Variants in MEI1 observed in about 807,000 individuals in gnomAD.
MEI1 encodes meiotic double-stranded break formation protein 1.
In MEI1, 103 loss-of-function variants were observed where a neutral mutation model predicts 146.2. That is an observed-to-expected ratio of 0.70 (90% CI 0.60 to 0.83). The LOEUF is 0.83. MEI1 is among the 40% of genes least tolerant of loss of function. The probability of loss-of-function intolerance (pLI) is 0.00; values close to 1 mark genes in which losing one functional copy is unlikely to be tolerated. For missense variants in MEI1, 1,529 were observed against 1,533.0 expected, an observed-to-expected ratio of 1.00 and a Z score of 0.04; for synonymous variants, 652 against 628.2, an observed-to-expected ratio of 1.04 and a Z score of -0.57.
In MEI1 at chr22:41,777,323, T is replaced by A. The variant is rs548090102; in HGVS notation, c.2710+1056T>A. On this transcript the variant is annotated intron_variant, in intron 21 of 30. Coordinates refer to ENST00000401548, the MANE Select transcript of MEI1 (RefSeq NM_152513.4). ...GGCATGCGCCACTGCACCTGGCTAA[T>A]TTTTTGTATTTTTATTAGAGGTGGG... 2.6e-5 allele frequency among the ~76,000 whole-genome samples: 4 copies of A among 151,682 alleles called. No homozygotes were observed. The South Asian group carries it at 8.3e-4, about 32-fold the overall frequency.
At chr22:41,766,382 G>A (rs1284305647) in intron 19 of MEI1, among the ~76,000 whole-genome samples, 2 of 148,802 alleles carry the variant, frequency 1.3e-5, no homozygotes. Context: ...ATGTTGGCCA[G>A]GCTGGTCTCG....
chr22:41,784,887 T>G (rs1602146881), intron 26 of MEI1, 104 bp downstream of exon 26: 2 of 631,626 alleles, frequency 3.2e-6, no homozygotes, highest in Admixed American at 4.4e-5. Flanking sequence ...GGAGGGTGGA[T>G]TAAGACTTTT....
At chr22:41,780,824 A>G (rs567180337) in intron 22 of MEI1, among the ~76,000 whole-genome samples, 83 of 152,000 alleles carry the variant, frequency 5.5e-4, no homozygotes, top group African/African-American at 1.8e-3. Context: ...GGCTCAAGCA[A>G]TCTGCCTGCC....
chr22:41,735,675 G>A (rs2072300716), intron 11 of MEI1, among the ~76,000 whole-genome samples: 1 of 152,114 alleles, frequency 6.6e-6, no homozygotes, highest in Non-Finnish European at 1.5e-5. Context: ...TTTCTCTGTT[G>A]TTTTGAATTT....
At chr22:41,786,052 A>T (rs898985160) in intron 26 of MEI1, among the ~76,000 whole-genome samples, 2 of 147,646 alleles carry the variant, frequency 1.4e-5, no homozygotes, top group African/African-American at 5.0e-5. Flanking sequence ...CTGGGACTAC[A>T]GGCGCCCGCT....
chr22:41,705,691 T>G lies in MEI1; in HGVS notation c.349+137T>G, dbSNP rs958337656. The G allele has an allele frequency of 4.4e-6, 3 of 680,104 alleles. No homozygotes were observed. In the African/African-American group the frequency reaches 5.5e-5, roughly 13 times the overall value. The allele number at this position is 680,104 out of a possible 1,614,324, so 42.1% of individuals were successfully genotyped here. A position where few individuals can be genotyped will look rare whatever the true frequency, so the allele number is the denominator to read the frequency against. ...ACCCCATTAGTTTTCAATCACTAAT[T>G]CAACATTTGTTTTTTACTTTTTTTT... On this transcript the variant is annotated intron_variant, in intron 3 of 30. Transcript: ENST00000401548.
chr22:41,791,349 G>T (rs957008686), intron 26 of MEI1, among the ~76,000 whole-genome samples: 1 of 152,156 alleles, frequency 6.6e-6, no homozygotes, highest in Non-Finnish European at 1.5e-5. Flanking sequence ...TTAGCTGGAC[G>T]TGGTGGCACA....
At chr22:41,793,962 C>G (rs769050466) in intron 27 of MEI1, 52 bp downstream of exon 27, 1 of 1,485,812 alleles carries the variant, frequency 6.7e-7, no homozygotes, top group Non-Finnish European at 9.3e-7. Flanking sequence ...TTAGAGGGAG[C>G]AACACCCTTC....
chr22:41,785,615 G>A (rs2075940715), intron 26 of MEI1, among the ~76,000 whole-genome samples: 1 of 151,206 alleles, frequency 6.6e-6, no homozygotes, highest in Non-Finnish European at 1.5e-5. Context: ...CCAGGCTGGA[G>A]TGCAATGGTG....
chr22:41,781,511 G>A, intron 23 of MEI1, 117 bp downstream of exon 23: 2 of 1,138,528 alleles, frequency 1.8e-6, no homozygotes, highest in Non-Finnish European at 2.5e-6. Context: ...GTGGTCATAA[G>A]GTCCTTTCTG....
intron 11 of MEI1, among the ~76,000 whole-genome samples, chr22:41,737,361 T>A (rs530900880): frequency 6.6e-6 from 1 of 151,342 alleles, no homozygotes; most frequent in Non-Finnish European, 1.5e-5. Context: ...CTCAGTCTCC[T>A]GAGTAGCTGG....
At chr22:41,758,194 A>C (rs1202385692) in intron 17 of MEI1, among the ~76,000 whole-genome samples, 171 bp from the exon 18 acceptor site, 1 of 152,132 alleles carries the variant, frequency 6.6e-6, no homozygotes, top group Non-Finnish European at 1.5e-5. Context: ...CTTTCCCGGT[A>C]GGTTGAACCT....
At chr22:41,784,889 A>G (rs2075899636) in intron 26 of MEI1, 106 bp downstream of exon 26, 131 of 547,116 alleles carry the variant, frequency 2.4e-4, no homozygotes, top group Middle Eastern at 5.7e-4. Context: ...AGGGTGGATT[A>G]AGACTTTTTT....
chr22:41,746,081 A>G lies in MEI1; in HGVS notation c.1680+55A>G, dbSNP rs768479491. Reference sequence around the variant, plus strand: ...AAGCTTGGGGAAGAGAAGAATGTGCAGGCGAGCCAGGCTCAGAGGCATAAG... The same window carrying G: ...AAGCTTGGGGAAGAGAAGAATGTGCGGGCGAGCCAGGCTCAGAGGCATAAG... On this transcript the variant is annotated intron_variant, in intron 14 of 30. Transcript: ENST00000401548. The G allele has an allele frequency of 2.0e-6, 3 of 1,494,434 alleles. No homozygotes were observed. The Admixed American group carries it at 6.2e-5, about 31-fold the overall frequency. The allele number at this position is 1,494,434 out of a possible 1,614,324, so 92.6% of individuals were successfully genotyped here. A position where few individuals can be genotyped will look rare whatever the true frequency, so the allele number is the denominator to read the frequency against.
intron 30 of MEI1, among the ~76,000 whole-genome samples, chr22:41,797,696 C>A (rs916772141): frequency 3.3e-5 from 5 of 152,014 alleles, no homozygotes; most frequent in African/African-American, 1.2e-4. Flanking sequence ...GGGTCCCATC[C>A]CCAACATATC....
At chr22:41,761,690 AAT>A (rs2074507577) in intron 18 of MEI1, among the ~76,000 whole-genome samples, 1 of 152,156 alleles carries the variant, frequency 6.6e-6, no homozygotes, top group African/African-American at 2.4e-5. Context: ...TAAAGTGAAC[AAT>A]TCAGTGGTAT....
chr22:41,704,094 C>G (rs2068906125), intron 2 of MEI1, among the ~76,000 whole-genome samples: 1 of 152,206 alleles, frequency 6.6e-6, no homozygotes, highest in African/African-American at 2.4e-5. Context: ...CTTTCCCTCT[C>G]CTGTGCCTTA....
rs372447858 is a variant in MEI1 at position 41,784,730 on chromosome 22, C to T, written c.3292C>T (p.Arg1098Ter). 2.5e-6 allele frequency: 4 copies of T among 1,613,132 alleles called. No individual in the cohort carries two copies. Among genetic ancestry groups the T allele is most frequent in the Non-Finnish European group, 2.5e-6 (3 of 1,179,604 alleles). The change falls in exon 26 of 31, where the codon CGA becomes TGA. Residue 1098 changes from arginine (R) to a stop codon, truncating the protein, a stop_gained. Coordinates refer to ENST00000401548, the MANE Select transcript of MEI1 (RefSeq NM_152513.4). LOFTEE classifies it high-confidence loss of function. ...ATKDTVLAPL[R>*]MSQVRSLVIG... The stretch of plus-strand genomic sequence containing the variant: ...CAAGGACACTGTCCTAGCTCCACTG[C>T]GAATGTCGCAAGTCCGGTCCCTGGT...
In MEI1 at chr22:41,795,514, T is replaced by C; in HGVS notation, c.3638T>C (p.Leu1213Pro). The C allele has an allele frequency of 1.9e-6, 3 of 1,613,562 alleles. No homozygotes were observed. Among genetic ancestry groups the C allele is most frequent in the Non-Finnish European group, 1.7e-6 (2 of 1,179,744 alleles). ...CTGTCTACCCTCTCGAACACCACAC[T>C]CCAGGCCCTGCATGGCTTCTTCCAG... ...ADLSTLSNTTLQALHGFFQQL... is the reference protein window; with the variant it reads ...ADLSTLSNTTPQALHGFFQQL... The change falls in exon 29 of 31, where the codon CTC (leucine) becomes CCC (proline). Residue 1213 changes from leucine to proline, a missense_variant. Leu to Pro is a moderately conservative substitution (Grantham distance 98, BLOSUM62 -3). Coordinates refer to ENST00000401548, the MANE Select transcript of MEI1 (RefSeq NM_152513.4). This position sits in a 1 kb window ranked among gnomAD's most constrained non-coding sequence, Gnocchi z 4.2.
Sources: allele counts gnomAD v4.1 joint callset (sites outside exome capture counted in the v4.1 genomes callset), GRCh38; gene constraint gnomAD v4.1.1; non-coding constraint Gnocchi (gnomAD v3.1); transcripts MANE v1.5; gene names NCBI Gene and HGNC (gene_info 2026-07-23, HGNC 2026-07-21).